The following MSC variants were observed in gnomAD, a reference collection of about 807,000 sequenced individuals.
MSC encodes activated B-cell factor 1, homolog of mouse musculin.
In MSC, 16 loss-of-function variants were observed where a neutral mutation model predicts 14.4. The ratio of observed to expected loss-of-function variants is 1.11; its 90% CI spans 0.75 to 1.69. The LOEUF is 1.69. Among genes scored for constraint, MSC ranks in the 40% most tolerant of loss-of-function variants. MSC has a pLI of 0.00. For synonymous variants in MSC, 165 were observed against 128.5 expected (o/e 1.28, Z -1.92); for missense variants, 320 against 288.1 (o/e 1.11, Z -0.80).
At chr8:71,843,236 C>T (rs986307712) in intron 1 of MSC, 49 of 326,132 alleles carry the variant, frequency 1.5e-4, no homozygotes, top group African/African-American at 1.0e-3. Flanking sequence ...AATGCAAATG[C>T]TCTTTTATAG....
chr8:71,844,067 A>G lies in MSC; in HGVS notation c.112T>C (p.Tyr38His), dbSNP rs770527765. 1 of 1,523,652 alleles carries G rather than the reference A, an allele frequency of 6.6e-7. No homozygotes were observed. Among genetic ancestry groups the G allele is most frequent in the East Asian group, 2.3e-5 (1 of 42,896 alleles). 94.4% of individuals were successfully genotyped at this position (1,523,652 alleles called of 1,614,324 possible). ...RPPLRGVERS[Y>H]ASPSDNSSAE... ...GACGAGTTGTCACTGGGCGAGGCGT[A>G]GCTGCGCTCTACGCCGCGGAGGGGC... The change falls in exon 1 of 2, where the codon TAC becomes CAC. Residue 38 changes from tyrosine to histidine, a missense_variant. Transcript: ENST00000325509.
At chr8:71,843,559 C>A in intron 1 of MSC, 86 bp downstream of exon 1, 1 of 1,582,736 alleles carries the variant, frequency 6.3e-7, no homozygotes. Context: ...CGAATTCTTC[C>A]CAACGGGCTG....
intron 1 of MSC, 23 bp downstream of exon 1, chr8:71,843,622 A>T (rs1172573747): frequency 6.2e-7 from 1 of 1,614,018 alleles, no homozygotes; most frequent in African/African-American, 1.3e-5. Flanking sequence ...GCTCTCCCGA[A>T]TCCTTGCGCG....
Position 71,844,315 on chromosome 8 carries a change from C to A in MSC, c.-137G>T, listed in dbSNP as rs964124126. The A allele has an allele frequency of 1.5e-6, 2 of 1,309,128 alleles. No individual in the cohort carries two copies. The highest frequency in any genetic ancestry group is 2.0e-5 in the Admixed American group (1 of 51,058). The allele number at this position is 1,309,128 out of a possible 1,614,324, so 81.1% of individuals were successfully genotyped here. A position where few individuals can be genotyped will look rare whatever the true frequency, so the allele number is the denominator to read the frequency against. ...GACTAAAAACCCAGGCCGGGAAGCG[C>A]GGGGTGAGAAAGCGAGGTGGGTGGC... On this transcript the variant is annotated 5_prime_UTR_variant, in exon 1 of 2. Coordinates refer to ENST00000325509, the MANE Select transcript of MSC (RefSeq NM_005098.4).
At chr8:71,843,341 T>C (rs1278106397) in intron 1 of MSC, 5 of 493,890 alleles carry the variant, frequency 1.0e-5, no homozygotes, top group Non-Finnish European at 1.9e-5. Flanking sequence ...GCCGTCAGTC[T>C]GCAACCTGGT....
Position 71,843,707 on chromosome 8 carries a change from G to A in MSC, c.472C>T (p.His158Tyr). 1 of 1,614,226 alleles carries A rather than the reference G, an allele frequency of 6.2e-7. No individual in the cohort carries two copies. Among genetic ancestry groups the A allele is most frequent in the Non-Finnish European group, 8.5e-7 (1 of 1,180,046 alleles). ...TLRLASSYIA[H>Y]LRQLLQEDRY... ...TCCTCCTGCAACAGCTGCCGCAGGT[G>A]AGCGATGTAACTGGAAGCCAGCCGG... Residue 158 changes from histidine (H) to tyrosine (Y), a missense_variant, in exon 1 of 2, where the codon CAC becomes TAC. Transcript: ENST00000325509.
intron 1 of MSC, chr8:71,843,048 A>ACG (rs10547473): frequency 3.4e-5 from 6 of 176,964 alleles, no homozygotes; most frequent in Admixed American, 8.4e-5. Flanking sequence ...ACACACACAC[A>ACG]CGCACACACA....
Position 71,844,307 on chromosome 8 carries a change from G to T in MSC, c.-129C>A. On this transcript the variant is annotated 5_prime_UTR_variant, in exon 1 of 2. Transcript: ENST00000325509. ...CCAAGGAAGACTAAAAACCCAGGCC[G>T]GGAAGCGCGGGGTGAGAAAGCGAGG... 1 of 1,340,084 alleles carries T rather than the reference G, an allele frequency of 7.5e-7. No homozygotes were observed. Among genetic ancestry groups the T allele is most frequent in the Non-Finnish European group, 1.0e-6 (1 of 966,514 alleles). The allele number at this position is 1,340,084 out of a possible 1,614,324, so 83.0% of individuals were successfully genotyped here. A position where few individuals can be genotyped will look rare whatever the true frequency, so the allele number is the denominator to read the frequency against.
chr8:71,843,021 T>C (rs1040335065), intron 1 of MSC: 26 of 389,564 alleles, frequency 6.7e-5, no homozygotes, highest in African/African-American at 5.1e-4. Flanking sequence ...GTCGTTTAGT[T>C]CCCTTCCCCA....
rs1807400696 is a variant in MSC at position 71,842,391 on chromosome 8, G to T, written c.*270C>A. ...TTAGTCTACAGAGCTAGGGCCCGAG[G>T]GTGGACCTGCGTCCGCGTCTCGTCA... On this transcript the variant is annotated 3_prime_UTR_variant, in exon 2 of 2. Transcript: ENST00000325509. 1 of 442,174 alleles carries T rather than the reference G, an allele frequency of 2.3e-6. No individual in the cohort carries two copies. Among genetic ancestry groups the T allele is most frequent in the Non-Finnish European group, 4.2e-6 (1 of 236,512 alleles). The allele number at this position is 442,174 out of a possible 1,614,324, so 27.4% of individuals were successfully genotyped here.
intron 1 of MSC, chr8:71,843,031 AACACACACACACACACACGCACACACAC>A (rs987414943): frequency 3.3e-5 from 9 of 268,954 alleles, no homozygotes; most frequent in South Asian, 1.7e-4. Flanking sequence ...TCCCTTCCCC[AACACACACACACACACACGCACACACAC>A]ACACACACAC....
In MSC at chr8:71,841,600, A is replaced by C. The variant is rs1807379455; in HGVS notation, c.*1061T>G. On this transcript the variant is annotated 3_prime_UTR_variant, in exon 2 of 2. Transcript: ENST00000325509. ...GCGTTTTATTATTCATAAAAAAATAAATTTATTTACATATGTTATTTCCTG... is the reference window on the plus strand; with the variant it reads ...GCGTTTTATTATTCATAAAAAAATACATTTATTTACATATGTTATTTCCTG... The C allele has an allele frequency of 6.6e-6, 1 of 152,208 alleles. No homozygotes were observed. The highest frequency in any genetic ancestry group is 1.5e-5 in the Non-Finnish European group (1 of 68,030). The allele number at this position is 152,208 out of a possible 1,614,324, so 9.4% of individuals were successfully genotyped here. A position where few individuals can be genotyped will look rare whatever the true frequency, so the allele number is the denominator to read the frequency against.
In MSC at chr8:71,843,789, G is replaced by A; in HGVS notation, c.390C>T (p.Leu130=). The A allele has an allele frequency of 6.2e-7, 1 of 1,613,912 alleles. No individual in the cohort carries two copies. The highest frequency in any genetic ancestry group is 8.5e-7 in the Non-Finnish European group (1 of 1,180,008). Residue 130 remains leucine (L), a synonymous_variant, in exon 1 of 2, where the codon CTC becomes CTT. Coordinates refer to ENST00000325509, the MANE Select transcript of MSC (RefSeq NM_005098.4). ...GGGGCACCCAGGGCAGGCTGGTCTTGAGCCTGGAGAAGGCTTTGCTCAGCA... is the reference window on the plus strand; with the variant it reads ...GGGGCACCCAGGGCAGGCTGGTCTTAAGCCTGGAGAAGGCTTTGCTCAGCA... ...MRVLSKAFSR[L]KTSLPWVPPD...
Position 71,841,948 on chromosome 8 carries a change from A to T in MSC, c.*713T>A, listed in dbSNP as rs1807386899. 2 of 152,702 alleles carry T rather than the reference A, an allele frequency of 1.3e-5. No homozygotes were observed. Among genetic ancestry groups the T allele is most frequent in the African/African-American group, 4.8e-5 (2 of 41,466 alleles). The allele number at this position is 152,702 out of a possible 1,614,324, so 9.5% of individuals were successfully genotyped here. On this transcript the variant is annotated 3_prime_UTR_variant, in exon 2 of 2. Coordinates refer to ENST00000325509, the MANE Select transcript of MSC (RefSeq NM_005098.4). Reference sequence around the variant, plus strand: ...GACAGACGCCTGCCTGATTAGAAAAAGCCGGGAGCTTGGGAAGGAGACGGG... The same window carrying T: ...GACAGACGCCTGCCTGATTAGAAAATGCCGGGAGCTTGGGAAGGAGACGGG...
Position 71,844,122 on chromosome 8 carries a change from C to G in MSC, c.57G>C (p.Arg19=). The change falls in exon 1 of 2, where the codon CGG becomes CGC. Residue 19 remains arginine (R), a synonymous_variant. Transcript: ENST00000325509. ...TCTTGGAGGCGGGGACCGGGTACTC[C>G]CGCTGCAGCCCCCGAAGCTCCATCT... ...PEEMELRGLQ[R]EYPVPASKRP... 6.6e-7 allele frequency: 1 copy of G among 1,525,576 alleles called. No homozygotes were observed. The highest frequency in any genetic ancestry group is 8.8e-7 in the Non-Finnish European group (1 of 1,137,522). The allele number at this position is 1,525,576 out of a possible 1,614,324, so 94.5% of individuals were successfully genotyped here.
intron 1 of MSC, 39 bp from the exon 2 acceptor site, chr8:71,842,786 G>A (rs371636228): frequency 6.3e-7 from 1 of 1,590,386 alleles, no homozygotes; most frequent in African/African-American, 1.3e-5. Flanking sequence ...AGAGAGAAAC[G>A]ATTGTCTCAA....
In MSC at chr8:71,843,735, C is replaced by A. The variant is rs374929274; in HGVS notation, c.444G>T (p.Thr148=). ...PPDTKLSKLD[T]LRLASSYIAH... is the part of the protein sequence containing the mutation. ...CGATGTAACTGGAAGCCAGCCGGAG[C>A]GTGTCCAGCTTGGAGAGCTTAGTGT... The change falls in exon 1 of 2, where the codon ACG becomes ACT. Residue 148 remains threonine, a synonymous_variant. Coordinates refer to ENST00000325509, the MANE Select transcript of MSC (RefSeq NM_005098.4). 1.2e-5 allele frequency: 19 copies of A among 1,614,082 alleles called. No individual in the cohort carries two copies. The African/African-American group carries it at 1.7e-4, about 15-fold the overall frequency.
chr8:71,842,852 A>AT lies in MSC; in HGVS notation c.535-106dup. 3.1e-6 allele frequency: 3 copies of AT among 958,532 alleles called. 1 individual carries two copies. The South Asian group carries it at 3.9e-5, about 12-fold the overall frequency. 59.4% of individuals were successfully genotyped at this position (958,532 alleles called of 1,614,324 possible). On this transcript the variant is annotated intron_variant, in intron 1 of 1. Transcript: ENST00000325509. ...ATATTCCTGACTTGGAGTAGCTAAG[A>AT]TTTTATCAGCATTCTGGGAATTTGC... is the stretch of plus-strand genomic sequence containing the variant.
rs1223661814 is a variant in MSC, at chr8:71,843,971, A to G, written c.208T>C (p.Cys70Arg). The change falls in exon 1 of 2, where the codon TGC becomes CGC. Residue 70 changes from cysteine (C) to arginine (R), a missense_variant. Cys to Arg is a radical substitution (Grantham distance 180). Transcript: ENST00000325509. Reference sequence around the variant, plus strand: ...GCCACACGGGGCCGCTTCCTCTTGCAGCCTTCCGCGCTGCCGGCTGTGCCC... The same window carrying G: ...GCCACACGGGGCCGCTTCCTCTTGCGGCCTTCCGCGCTGCCGGCTGTGCCC... The part of the protein sequence containing the change: ...ALGTAGSAEG[C>R]KRKRPRVAGG... 6.4e-7 allele frequency: 1 copy of G among 1,561,692 alleles called. No individual in the cohort carries two copies. The highest frequency in any genetic ancestry group is 2.4e-5 in the East Asian group (1 of 41,722).
Sources: gnomAD v4.1 joint callset for allele counts on GRCh38, gnomAD v4.1.1 for gene constraint, MANE v1.5 for transcripts, NCBI Gene and HGNC (gene_info 2026-07-23, HGNC 2026-07-21) for gene names.